The following ARID1A variants were observed in gnomAD, a reference collection of about 807,000 sequenced individuals.
The protein encoded by ARID1A is AT-rich interaction domain 1A, also known as AT-rich interactive domain-containing protein 1A.
Under a neutral mutation model 212.6 loss-of-function variants are expected in ARID1A, and 20 were observed. That is an observed-to-expected ratio of 0.09 (90% confidence interval 0.07 to 0.14). The LOEUF is 0.14. Ranked by LOEUF, ARID1A falls within the 10% of genes least tolerant of loss-of-function variation. ARID1A has a pLI of 1.00. For missense variants in ARID1A, 2,587 were observed against 3,059.0 expected (o/e 0.85, Z 3.64); for synonymous variants, 1,376 against 1,222.1 (o/e 1.13, Z -2.63).
intron 13 of ARID1A, 78 bp downstream of exon 13, chr1:26,772,710 G>T (rs2124105647): frequency 2.5e-6 from 4 of 1,608,410 alleles, no homozygotes; most frequent in Non-Finnish European, 3.4e-6. Context: ...AGCCCAAGGT[G>T]GTCCTTGCCT....
chr1:26,772,671 C>T (rs2124105336), intron 13 of ARID1A, 39 bp downstream of exon 13: 1 of 1,614,036 alleles, frequency 6.2e-7, no homozygotes, highest in Non-Finnish European at 8.5e-7. Flanking sequence ...GGGAGGATGG[C>T]TGAAGATAAG....
intron 1 of ARID1A, among the ~76,000 whole-genome samples, chr1:26,719,945 A>G (rs1244100572): frequency 2.0e-5 from 3 of 147,458 alleles, no homozygotes; most frequent in Non-Finnish European, 4.5e-5. Context: ...CCGTCTCAAA[A>G]AAAAAAAAAA....
At chr1:26,749,618 G>T (rs2080867434) in intron 4 of ARID1A, among the ~76,000 whole-genome samples, 1 of 152,178 alleles carries the variant, frequency 6.6e-6, no homozygotes, top group South Asian at 2.1e-4. Flanking sequence ...CAGAGGGTCA[G>T]ACCTGCCTCA....
chr1:26,744,567 G>A (rs1172820124), intron 4 of ARID1A, among the ~76,000 whole-genome samples: 2 of 152,180 alleles, frequency 1.3e-5, no homozygotes, highest in South Asian at 2.1e-4. Flanking sequence ...GGCCAAACTT[G>A]TCCTCACTTA....
Position 26,696,083 on chromosome 1 carries a change from C to T in ARID1A, c.-321C>T. ...AGGCCCTGGGGAGCGGAGCCTCCAC[C>T]GCCCCCCTCATTCCCAGGCAAGGGC... On this transcript the variant is annotated 5_prime_UTR_variant, in exon 1 of 20. Transcript: ENST00000324856. The T allele has an allele frequency of 2.1e-6, 1 of 482,402 alleles. No individual in the cohort carries two copies. Among genetic ancestry groups the T allele is most frequent in the Non-Finnish European group, 2.8e-6 (1 of 352,770 alleles). The allele number at this position is 482,402 out of a possible 1,614,324, so 29.9% of individuals were successfully genotyped here. A position where few individuals can be genotyped will look rare whatever the true frequency, so the allele number is the denominator to read the frequency against.
intron 4 of ARID1A, among the ~76,000 whole-genome samples, chr1:26,750,727 C>T (rs1273949269): frequency 2.6e-5 from 4 of 151,824 alleles, no homozygotes; most frequent in African/African-American, 9.7e-5. Context: ...AGACCAGGCT[C>T]CTACCTTCAT....
intron 10 of ARID1A, 122 bp from the exon 11 acceptor site, chr1:26,767,668 G>C: frequency 9.9e-7 from 1 of 1,010,512 alleles, no homozygotes. Context: ...AGGTAGGACA[G>C]GTGTTAGTAA....
intron 11 of ARID1A, chr1:26,769,649 A>G (rs965078476): frequency 3.3e-5 from 5 of 152,258 alleles, no homozygotes; most frequent in African/African-American, 1.2e-4. Flanking sequence ...TCTTTCTAGT[A>G]TCATAGGTAT....
intron 1 of ARID1A, among the ~76,000 whole-genome samples, chr1:26,711,084 A>G (rs12726081): frequency 0.06 from 9,009 of 150,070 alleles, 320 homozygotes; most frequent in Non-Finnish European, 0.08. Flanking sequence ...ACCCCAATTA[A>G]TGCCCTCTTA....
intron 1 of ARID1A, among the ~76,000 whole-genome samples, chr1:26,726,663 C>T (rs760397486): frequency 6.6e-6 from 1 of 152,192 alleles, no homozygotes; most frequent in South Asian, 2.1e-4. Flanking sequence ...TGTCTCCTAC[C>T]CTTTTTTGGA....
chr1:26,761,517 C>T (rs2124060460), intron 6 of ARID1A, 44 bp downstream of exon 6: 2 of 1,584,318 alleles, frequency 1.3e-6, no homozygotes, highest in Non-Finnish European at 1.7e-6. Flanking sequence ...CTAGGGCAGA[C>T]ATTTGAGTGC....
chr1:26,706,901 CT>C (rs2080397471), intron 1 of ARID1A, among the ~76,000 whole-genome samples: 1 of 152,172 alleles, frequency 6.6e-6, no homozygotes, highest in Non-Finnish European at 1.5e-5. Context: ...GGCTTTTAGT[CT>C]CCAGATTTCT....
intron 1 of ARID1A, among the ~76,000 whole-genome samples, chr1:26,725,396 G>A (rs528312519): frequency 5.3e-5 from 8 of 152,266 alleles, no homozygotes; most frequent in South Asian, 4.1e-4. Flanking sequence ...AATATTTCAC[G>A]ATGGTTTTAA....
rs1473325647 is a variant in ARID1A, at chr1:26,696,264, A to C, written c.-140A>C. On this transcript the variant is annotated 5_prime_UTR_variant, in exon 1 of 20. Coordinates refer to ENST00000324856, the MANE Select transcript of ARID1A (RefSeq NM_006015.6). ...GGGCGGGGGGGAGAGGAGCGAGCGC[A>C]GCGCAGCAGCGGAGCCCCGCGAGGC... is the stretch of plus-strand genomic sequence containing the variant. The C allele has an allele frequency of 5.1e-6, 5 of 972,500 alleles. No individual in the cohort carries two copies. The highest frequency in any genetic ancestry group is 5.1e-5 in the Admixed American group (1 of 19,528). 60.2% of individuals were successfully genotyped at this position (972,500 alleles called of 1,614,324 possible). A position where few individuals can be genotyped will look rare whatever the true frequency, so the allele number is the denominator to read the frequency against.
intron 1 of ARID1A, among the ~76,000 whole-genome samples, chr1:26,702,849 A>G (rs1215673718): frequency 2.0e-5 from 3 of 152,220 alleles, no homozygotes; most frequent in Admixed American, 6.5e-5. Flanking sequence ...TTGCAGTTTC[A>G]TAGTGAAAAT....
chr1:26,742,159 C>CA (rs1400624901), intron 4 of ARID1A, among the ~76,000 whole-genome samples: 2 of 152,144 alleles, frequency 1.3e-5, no homozygotes, highest in Non-Finnish European at 2.9e-5. Context: ...CATTTTTAGG[C>CA]AAAAAACTCA....
At chr1:26,749,064 C>T (rs2080862428) in intron 4 of ARID1A, among the ~76,000 whole-genome samples, 1 of 152,088 alleles carries the variant, frequency 6.6e-6, no homozygotes, top group African/African-American at 2.4e-5. Context: ...ACTCGGGAGG[C>T]TGAGGCAGGA....
intron 4 of ARID1A, among the ~76,000 whole-genome samples, chr1:26,746,648 CT>C (rs1011464587): frequency 1.3e-5 from 2 of 151,790 alleles, no homozygotes; most frequent in African/African-American, 4.8e-5. Flanking sequence ...AATCCCAGCA[CT>C]TTGGGAGGCC....
chr1:26,741,232 T>C (rs1240844237), intron 4 of ARID1A, among the ~76,000 whole-genome samples: 1 of 152,088 alleles, frequency 6.6e-6, no homozygotes, highest in Non-Finnish European at 1.5e-5. Flanking sequence ...GGACCAGGAT[T>C]GTGTAATATT....
Sources: allele counts gnomAD v4.1 joint callset (sites outside exome capture counted in the v4.1 genomes callset), GRCh38; gene constraint gnomAD v4.1.1; transcripts MANE v1.5; gene names NCBI Gene and HGNC (gene_info 2026-07-23, HGNC 2026-07-21).